The following EEFSEC variants were observed in gnomAD, a reference collection of about 807,000 sequenced individuals.
EEFSEC encodes selenocysteine-specific elongation factor.
In EEFSEC, 43 loss-of-function variants were observed where a neutral mutation model predicts 42.1. That is an observed-to-expected ratio of 1.02 (90% CI 0.80 to 1.32). EEFSEC has a LOEUF of 1.32. Among genes scored for constraint, EEFSEC ranks in the 40% most tolerant of loss-of-function variants. The probability of loss-of-function intolerance (pLI) is 0.00; values close to 1 mark genes in which losing one functional copy is unlikely to be tolerated. For missense variants in EEFSEC, 745 were observed against 803.6 expected, an observed-to-expected ratio of 0.93 and a Z score of 0.88; for synonymous variants, 354 against 339.1, an observed-to-expected ratio of 1.04 and a Z score of -0.48.
intron 1 of EEFSEC, among the ~76,000 whole-genome samples, chr3:128,239,965 A>T (rs1213569609): frequency 6.6e-6 from 1 of 152,206 alleles, no homozygotes; most frequent in Non-Finnish European, 1.5e-5. Context: ...CAGTCGATGG[A>T]GTAACCTGGT....
At chr3:128,250,720 G>A (rs1358582379) in intron 2 of EEFSEC, among the ~76,000 whole-genome samples, 3 of 152,032 alleles carry the variant, frequency 2.0e-5, no homozygotes, top group Non-Finnish European at 4.4e-5. Flanking sequence ...GCTATCTGGT[G>A]CTCCTTGCAG....
At chr3:128,179,279 G>C (rs573407889) in intron 1 of EEFSEC, among the ~76,000 whole-genome samples, 3 of 152,290 alleles carry the variant, frequency 2.0e-5, no homozygotes, top group African/African-American at 7.2e-5. Context: ...GAGGAAGGGG[G>C]AGAGGAAGCT....
chr3:128,370,866 G>A (rs1035490888), intron 6 of EEFSEC, among the ~76,000 whole-genome samples: 3 of 152,194 alleles, frequency 2.0e-5, no homozygotes, highest in Admixed American at 6.5e-5. Context: ...AAGTTTTACC[G>A]ATGCAGTGAG....
At chr3:128,242,601 G>A (rs1434024699) in intron 1 of EEFSEC, among the ~76,000 whole-genome samples, 1 of 151,958 alleles carries the variant, frequency 6.6e-6, no homozygotes, top group Admixed American at 6.6e-5. Flanking sequence ...TATTCCTTCA[G>A]TCCCAAAAGG....
Position 128,348,035 on chromosome 3 carries a change from G to A in EEFSEC, c.1443+6146G>A, listed in dbSNP as rs189963891. On this transcript the variant is annotated intron_variant, in intron 5 of 6. Transcript: ENST00000254730. ...AGTTGACATTAAACAAATATTTGTAGAACATCTACTGTGTGTTGTCTTAAG... is the reference window on the plus strand; with the variant it reads ...AGTTGACATTAAACAAATATTTGTAAAACATCTACTGTGTGTTGTCTTAAG... Among the ~76,000 whole-genome samples the A allele has an allele frequency of 2.9e-3, 447 of 152,134 alleles. 7 individuals are homozygous for A. The highest frequency in any genetic ancestry group is 9.4e-4 in the Non-Finnish European group (64 of 67,994).
At chr3:128,241,518 G>T (rs2066071752) in intron 1 of EEFSEC, among the ~76,000 whole-genome samples, 1 of 151,908 alleles carries the variant, frequency 6.6e-6, no homozygotes, top group African/African-American at 2.4e-5. Flanking sequence ...ACCAATTTTT[G>T]TATTTTTGTA....
intron 6 of EEFSEC, among the ~76,000 whole-genome samples, chr3:128,379,929 C>A (rs2811385): frequency 1.3e-5 from 2 of 152,384 alleles, no homozygotes; most frequent in Admixed American, 6.5e-5. Context: ...CCTCTCTGGG[C>A]CCACACATGC....
intron 6 of EEFSEC, among the ~76,000 whole-genome samples, chr3:128,407,081 G>C (rs2068124000): frequency 6.6e-6 from 1 of 152,180 alleles, no homozygotes; most frequent in African/African-American, 2.4e-5. Flanking sequence ...CCAGGAATGG[G>C]CCATGATCAG....
chr3:128,157,929 T>C (rs1296985053), intron 1 of EEFSEC, among the ~76,000 whole-genome samples: 1 of 152,230 alleles, frequency 6.6e-6, no homozygotes, highest in Non-Finnish European at 1.5e-5. Flanking sequence ...CTGATGGATC[T>C]GGACAAAGTA....
chr3:128,382,992 C>T (rs1038820329), intron 6 of EEFSEC, among the ~76,000 whole-genome samples: 2 of 152,208 alleles, frequency 1.3e-5, no homozygotes, highest in African/African-American at 4.8e-5. Flanking sequence ...TGGCTGGAGG[C>T]GCCCCCATTC....
intron 1 of EEFSEC, among the ~76,000 whole-genome samples, chr3:128,164,643 T>C (rs1403598888): frequency 6.6e-6 from 1 of 152,036 alleles, no homozygotes; most frequent in Non-Finnish European, 1.5e-5. Flanking sequence ...GGTTGAGATA[T>C]TACATTTTAG....
At chr3:128,309,180 A>G (rs1467767231) in intron 4 of EEFSEC, among the ~76,000 whole-genome samples, 2 of 152,150 alleles carry the variant, frequency 1.3e-5, no homozygotes, top group Non-Finnish European at 2.9e-5. Flanking sequence ...TGGCTTGGAG[A>G]GGACCTGAAT....
At chr3:128,230,066 TTC>T (rs2065945071) in intron 1 of EEFSEC, among the ~76,000 whole-genome samples, 1 of 152,142 alleles carries the variant, frequency 6.6e-6, no homozygotes, top group African/African-American at 2.4e-5. Context: ...TCCTTTCCTT[TTC>T]TTTCTCGCCC....
chr3:128,227,317 C>A (rs1047283286), intron 1 of EEFSEC, among the ~76,000 whole-genome samples: 1 of 152,166 alleles, frequency 6.6e-6, no homozygotes, highest in Non-Finnish European at 1.5e-5. Context: ...CCCTACCCCC[C>A]CACTCCGTTC....
chr3:128,393,192 C>T (rs962406761), intron 6 of EEFSEC, among the ~76,000 whole-genome samples: 3 of 152,222 alleles, frequency 2.0e-5, no homozygotes, highest in African/African-American at 7.2e-5. Context: ...CTTCCCCCTT[C>T]CCCATCATAA....
chr3:128,374,623 A>G (rs1328439576), intron 6 of EEFSEC, among the ~76,000 whole-genome samples: 2 of 152,192 alleles, frequency 1.3e-5, no homozygotes, highest in East Asian at 3.8e-4. Flanking sequence ...CAGAAATTTC[A>G]CTGAGACGTG....
chr3:128,243,456 C>A (rs1271840658), intron 1 of EEFSEC, among the ~76,000 whole-genome samples: 1 of 152,162 alleles, frequency 6.6e-6, no homozygotes, highest in South Asian at 2.1e-4. Flanking sequence ...AATAGGAAAT[C>A]GACTGTTGAA....
chr3:128,296,225 C>G (rs750554967), intron 4 of EEFSEC, among the ~76,000 whole-genome samples: 9 of 152,166 alleles, frequency 5.9e-5, no homozygotes, highest in Non-Finnish European at 1.0e-4. Context: ...TCTTGGAAAA[C>G]GTAATCCACG....
chr3:128,255,967 G>A (rs1263150847), intron 2 of EEFSEC, among the ~76,000 whole-genome samples: 1 of 152,002 alleles, frequency 6.6e-6, no homozygotes, highest in African/African-American at 2.4e-5. Flanking sequence ...CCTGGCTTCT[G>A]TTTGGGGCTA....
Sources: gnomAD v4.1 joint callset for allele counts (sites outside exome capture counted in the v4.1 genomes callset) on GRCh38, gnomAD v4.1.1 for gene constraint, MANE v1.5 for transcripts, NCBI Gene and HGNC (gene_info 2026-07-23, HGNC 2026-07-21) for gene names.